The following F3 variants were observed in gnomAD, a reference collection of about 807,000 sequenced individuals.
F3 encodes tissue factor.
In F3, 18 loss-of-function variants were observed where a neutral mutation model predicts 33.5. The ratio of observed to expected loss-of-function variants is 0.54; its 90% CI spans 0.37 to 0.80. The LOEUF (loss-of-function observed/expected upper bound fraction) is 0.80. Ranked by LOEUF, F3 falls within the 30% of genes least tolerant of loss-of-function variation. The pLI is 0.00. For synonymous variants in F3, 147 were observed against 140.7 expected (o/e 1.05, Z -0.32); for missense variants, 353 against 362.1 (o/e 0.97, Z 0.20).
intron 2 of F3, among the ~76,000 whole-genome samples, chr1:94,538,556 G>A (rs760536291): frequency 3.2e-4 from 48 of 152,320 alleles, no homozygotes; most frequent in Admixed American, 1.0e-3. Flanking sequence ...TCTTCCTCCC[G>A]CTTTGGAGCC....
chr1:94,530,651 T>C, intron 5 of F3, 55 bp from the exon 6 acceptor site: 1 of 1,604,184 alleles, frequency 6.2e-7, no homozygotes, highest in Non-Finnish European at 8.5e-7. Context: ...CATTTATCAG[T>C]GGACAAAATT....
rs1292045527 is a variant in F3, at chr1:94,540,350, G to A, written c.119C>T (p.Ala40Val). ...TGATTTCCAAGTTAAATTATATGCT[G>A]CCACAGTATTTGTAGTGCCTTTAAA... ...AGASGTTNTVAAYNLTWKSTN... is the reference protein window; with the variant it reads ...AGASGTTNTVVAYNLTWKSTN... Residue 40 changes from alanine (A) to valine (V), a missense_variant, in exon 2 of 6, where the codon GCA (alanine) becomes GTA (valine). Ala to Val is a moderately conservative substitution (Grantham distance 64). Coordinates refer to ENST00000334047, the MANE Select transcript of F3 (RefSeq NM_001993.5). The A allele has an allele frequency of 6.2e-7, 1 of 1,613,308 alleles. No homozygotes were observed. Among genetic ancestry groups the A allele is most frequent in the East Asian group, 2.2e-5 (1 of 44,872 alleles).
At position 94,530,397 on chromosome 1, in the gene F3, C is replaced by G; in HGVS notation, c.*63G>C. 1 of 1,599,448 alleles carries G rather than the reference C, an allele frequency of 6.3e-7. No individual in the cohort carries two copies. Among genetic ancestry groups the G allele is most frequent in the East Asian group, 2.2e-5 (1 of 44,654 alleles). ...TCATTTGCGTTTCCATGTATTCTAT[C>G]CTCTTAAAAGTTCTCGGTCACAGTG... On this transcript the variant is annotated 3_prime_UTR_variant, in exon 6 of 6. Transcript: ENST00000334047.
chr1:94,541,582 T>TC lies in F3; in HGVS notation c.54dup (p.Thr19AspfsTer25). On this transcript the variant is annotated frameshift_variant, in exon 1 of 6. Transcript: ENST00000334047. LOFTEE classifies it high-confidence loss of function. ...GCGAAGACCCAGCCGAGCAGGAGCGTCCGAGCGACGGCGGTCTCGGGGCGC... is the reference window on the plus strand; with the variant it reads ...GCGAAGACCCAGCCGAGCAGGAGCGTCCCGAGCGACGGCGGTCTCGGGGCGC... 1.3e-6 allele frequency: 2 copies of TC among 1,483,944 alleles called. No individual in the cohort carries two copies. The highest frequency in any genetic ancestry group is 3.9e-4 in the Middle Eastern group (2 of 5,120). 91.9% of individuals were successfully genotyped at this position (1,483,944 alleles called of 1,614,324 possible).
At chr1:94,530,682 C>A in intron 5 of F3, 86 bp from the exon 6 acceptor site, 1 of 1,509,556 alleles carries the variant, frequency 6.6e-7, no homozygotes. Context: ...CCCCAAATTA[C>A]ACCATCCTAT....
At chr1:94,535,742 T>C (rs1271929409) in intron 3 of F3, among the ~76,000 whole-genome samples, 1 of 152,088 alleles carries the variant, frequency 6.6e-6, no homozygotes, top group Admixed American at 6.6e-5. Flanking sequence ...GGGGACAGAC[T>C]GGGGGAGAAA....
chr1:94,531,797 C>T (rs1003363298), intron 5 of F3, among the ~76,000 whole-genome samples: 2 of 152,154 alleles, frequency 1.3e-5, no homozygotes, highest in African/African-American at 2.4e-5. Flanking sequence ...TGTACACACA[C>T]GTGTCCGCCA....
chr1:94,537,060 T>C (rs1651629013), intron 2 of F3, among the ~76,000 whole-genome samples: 1 of 152,128 alleles, frequency 6.6e-6, no homozygotes, highest in African/African-American at 2.4e-5. Flanking sequence ...ACTACATGCC[T>C]CCCTTCCTTT....
intron 2 of F3, among the ~76,000 whole-genome samples, chr1:94,539,778 T>C (rs1651718497): frequency 6.6e-6 from 1 of 152,184 alleles, no homozygotes; most frequent in African/African-American, 2.4e-5. Flanking sequence ...TCATGTATTC[T>C]ACCAGATTTC....
intron 3 of F3, among the ~76,000 whole-genome samples, chr1:94,534,460 T>C (rs1036342888): frequency 2.6e-5 from 4 of 152,208 alleles, no homozygotes; most frequent in African/African-American, 9.6e-5. Flanking sequence ...GTAATCAATA[T>C]AAAAAAGTTT....
chr1:94,530,720 C>A, intron 5 of F3, 124 bp from the exon 6 acceptor site: 1 of 1,094,442 alleles, frequency 9.1e-7, no homozygotes, highest in South Asian at 1.5e-5. Context: ...TTCTTTCACT[C>A]TTTCCACCAC....
chr1:94,530,683 A>G (rs1488255475), intron 5 of F3, 87 bp from the exon 6 acceptor site: 1 of 1,502,186 alleles, frequency 6.7e-7, no homozygotes, highest in Non-Finnish European at 9.1e-7. Context: ...CCCAAATTAC[A>G]CCATCCTATT....
intron 2 of F3, among the ~76,000 whole-genome samples, chr1:94,538,930 T>G (rs3917608): frequency 0.011 from 1,654 of 152,320 alleles, 31 homozygotes; most frequent in African/African-American, 0.035. Flanking sequence ...GGAGCTGTGC[T>G]CATTTAAATA....
In F3 at chr1:94,541,577, G is replaced by A. The variant is rs1180942834; in HGVS notation, c.60C>T (p.Leu20=). 4.7e-6 allele frequency: 7 copies of A among 1,486,546 alleles called. No individual in the cohort carries two copies. In the East Asian group the frequency reaches 1.1e-4, roughly 24 times the overall value. The allele number at this position is 1,486,546 out of a possible 1,614,324, so 92.1% of individuals were successfully genotyped here. A position where few individuals can be genotyped will look rare whatever the true frequency, so the allele number is the denominator to read the frequency against. ...CCTGGGCGAAGACCCAGCCGAGCAGGAGCGTCCGAGCGACGGCGGTCTCGG... is the reference window on the plus strand; with the variant it reads ...CCTGGGCGAAGACCCAGCCGAGCAGAAGCGTCCGAGCGACGGCGGTCTCGG... The part of the protein sequence containing the change: ...PRPETAVART[L]LLGWVFAQVA... Residue 20 remains leucine (L), a synonymous_variant, in exon 1 of 6, where the codon CTC becomes CTT. Coordinates refer to ENST00000334047, the MANE Select transcript of F3 (RefSeq NM_001993.5).
intron 2 of F3, among the ~76,000 whole-genome samples, chr1:94,536,644 G>A (rs902570258): frequency 5.3e-5 from 8 of 152,122 alleles, no homozygotes; most frequent in East Asian, 3.9e-4. Flanking sequence ...GAATGTAGAC[G>A]CTCTCTGTCA....
Position 94,530,610 on chromosome 1 carries a change from G to C in F3, c.752-14C>G. The C allele has an allele frequency of 6.2e-7, 1 of 1,613,028 alleles. No individual in the cohort carries two copies. Among genetic ancestry groups the C allele is most frequent in the Admixed American group, 1.7e-5 (1 of 59,972 alleles). On this transcript the variant is annotated splice_polypyrimidine_tract_variant and intron_variant, in intron 5 of 5. Coordinates refer to ENST00000334047, the MANE Select transcript of F3 (RefSeq NM_001993.5). ...TGTAGAATATTTCTGAAAAATAAAG[G>C]GCATCTAGTCAACTTGGAGAGCTCA...
rs148396441 is a variant in F3, at chr1:94,529,669, G to GA, written c.*790dup. ...GTTTTGAATTTCCAAATGTATTCCT[G>GA]AAAAAAAAAAGAACCTAAACACTAT... On this transcript the variant is annotated 3_prime_UTR_variant, in exon 6 of 6. Transcript: ENST00000334047. The GA allele has an allele frequency of 2.5e-4, 36 of 146,680 alleles. No homozygotes were observed. Among genetic ancestry groups the GA allele is most frequent in the Middle Eastern group, 7.1e-3 (2 of 280 alleles). The allele number at this position is 146,680 out of a possible 1,614,324, so 9.1% of individuals were successfully genotyped here. A position where few individuals can be genotyped will look rare whatever the true frequency, so the allele number is the denominator to read the frequency against.
intron 3 of F3, among the ~76,000 whole-genome samples, chr1:94,534,287 G>A (rs61773970): frequency 6.6e-6 from 1 of 152,112 alleles, no homozygotes; most frequent in African/African-American, 2.4e-5. Flanking sequence ...TATCTTATTG[G>A]TAAGGCTGCA....
At chr1:94,535,504 G>T (rs538831259) in intron 3 of F3, among the ~76,000 whole-genome samples, 5 of 152,222 alleles carry the variant, frequency 3.3e-5, no homozygotes, top group Non-Finnish European at 5.9e-5. Flanking sequence ...CTAATTATGG[G>T]CTCAGAGGGA....
Sources: gnomAD v4.1 joint callset for allele counts (sites outside exome capture counted in the v4.1 genomes callset) on GRCh38, gnomAD v4.1.1 for gene constraint, MANE v1.5 for transcripts, NCBI Gene and HGNC (gene_info 2026-07-23, HGNC 2026-07-21) for gene names.